SLC16A6: variants seen among roughly 807,000 people sequenced by gnomAD.
SLC16A6 encodes monocarboxylate transporter 7.
SLC16A6 carries 15 observed loss-of-function variants against 33.8 expected under a neutral mutation model. That is an observed-to-expected ratio of 0.44 (90% CI 0.30 to 0.68). The LOEUF (loss-of-function observed/expected upper bound fraction) is 0.68, where lower values mean the gene tolerates loss of function less well. SLC16A6 is among the 30% of genes least tolerant of loss of function. The pLI is 0.10. For missense variants in SLC16A6, 451 were observed against 661.5 expected, an observed-to-expected ratio of 0.68 and a Z score of 3.49; for synonymous variants, 219 against 248.4, an observed-to-expected ratio of 0.88 and a Z score of 1.11.
intron 1 of SLC16A6, among the ~76,000 whole-genome samples, chr17:68,283,745 G>A (rs1433406154): frequency 6.6e-6 from 1 of 151,896 alleles, no homozygotes; most frequent in African/African-American, 2.4e-5. Context: ...GGGTGTGGTG[G>A]CGCACGCCTG....
At chr17:68,289,955 C>T (rs1555755297) in intron 1 of SLC16A6, among the ~76,000 whole-genome samples, 1 of 152,106 alleles carries the variant, frequency 6.6e-6, no homozygotes, top group Admixed American at 6.5e-5. Context: ...ATCATCTGGC[C>T]GGATGTATTG....
chr17:68,274,294 C>T lies in SLC16A6; in HGVS notation c.233-224G>A, dbSNP rs3785615. Reference sequence around the variant, plus strand: ...TAGCCCGGGCAACATGGTGAAACCCCGTCTCTACAAAAAATACAAAAATTA... The same window carrying T: ...TAGCCCGGGCAACATGGTGAAACCCTGTCTCTACAAAAAATACAAAAATTA... On this transcript the variant is annotated intron_variant, in intron 2 of 5. Coordinates refer to ENST00000580666, the MANE Select transcript of SLC16A6 (RefSeq NM_004694.5). The T allele has an allele frequency of 2.4e-3, 948 of 390,642 alleles. 23 individuals carry two copies. The East Asian group carries it at 0.027, about 11-fold the overall frequency. The allele number at this position is 390,642 out of a possible 1,614,324, so 24.2% of individuals were successfully genotyped here. A position where few individuals can be genotyped will look rare whatever the true frequency, so the allele number is the denominator to read the frequency against.
chr17:68,283,734 C>T (rs1299918531), intron 1 of SLC16A6, among the ~76,000 whole-genome samples: 8 of 151,366 alleles, frequency 5.3e-5, no homozygotes, highest in African/African-American at 1.2e-4. Context: ...CAAAATTAGC[C>T]GGGTGTGGTG....
At position 68,271,758 on chromosome 17, in the gene SLC16A6, G is replaced by T; in HGVS notation, c.506-104C>A. 1 of 843,934 alleles carries T rather than the reference G, an allele frequency of 1.2e-6. No individual in the cohort carries two copies. Among genetic ancestry groups the T allele is most frequent in the Non-Finnish European group, 1.8e-6 (1 of 543,630 alleles). 52.3% of individuals were successfully genotyped at this position (843,934 alleles called of 1,614,324 possible). A position where few individuals can be genotyped will look rare whatever the true frequency, so the allele number is the denominator to read the frequency against. On this transcript the variant is annotated intron_variant, in intron 4 of 5. Coordinates refer to ENST00000580666, the MANE Select transcript of SLC16A6 (RefSeq NM_004694.5). The surrounding 1 kb of genome is among the most constrained non-coding windows in gnomAD (Gnocchi z 5.3). Reference sequence around the variant, plus strand: ...AATATGGATCCAGATTTTGTTATAAGTTCTGTGGAAATTTATTATACTCAG... The same window carrying T: ...AATATGGATCCAGATTTTGTTATAATTTCTGTGGAAATTTATTATACTCAG...
At chr17:68,286,149 T>A (rs1376633835) in intron 1 of SLC16A6, among the ~76,000 whole-genome samples, 1 of 152,194 alleles carries the variant, frequency 6.6e-6, no homozygotes, top group Non-Finnish European at 1.5e-5. Flanking sequence ...GCAGTTTTTG[T>A]ATGAGCTGAG....
intron 5 of SLC16A6, among the ~76,000 whole-genome samples, chr17:68,269,691 T>TTTTTTTTTA (rs57001011): frequency 4.0e-5 from 6 of 149,024 alleles, no homozygotes; most frequent in Middle Eastern, 3.4e-3. Context: ...TTTTTTTTTT[T>TTTTTTTTTA]AGACAGAGTT....
intron 2 of SLC16A6, chr17:68,274,298 T>G (rs1555750223): frequency 5.2e-6 from 2 of 383,576 alleles, no homozygotes; most frequent in Non-Finnish European, 9.6e-6. Flanking sequence ...AAACCCCGTC[T>G]CTACAAAAAA....
intron 1 of SLC16A6, among the ~76,000 whole-genome samples, chr17:68,282,302 T>C (rs533041234): frequency 3.8e-4 from 57 of 149,256 alleles, no homozygotes; most frequent in African/African-American, 1.4e-3. Context: ...AATTGAACAA[T>C]GAGAACACTT....
rs1555749967 is a variant in SLC16A6 at position 68,273,930 on chromosome 17, AGATGATGCC to A, written c.364_372del (p.Gly122_Ile124del). ...TGAGCCAAAGAGGAACACTTACCAGAGATGATGCCGATGGCGACGTACATATGAGAAACC... is the reference window on the plus strand; with the variant it reads ...TGAGCCAAAGAGGAACACTTACCAGAGATGGCGACGTACATATGAGAAACC... On this transcript the variant is annotated inframe_deletion, in exon 3 of 6. Transcript: ENST00000580666. The A allele has an allele frequency of 8.1e-6, 13 of 1,614,102 alleles. No homozygotes were observed. The highest frequency in any genetic ancestry group is 9.3e-6 in the Non-Finnish European group (11 of 1,179,956).
chr17:68,272,501 T>C (rs2075374021), intron 4 of SLC16A6, 138 bp downstream of exon 4: 2 of 1,001,560 alleles, frequency 2.0e-6, no homozygotes, highest in Non-Finnish European at 1.5e-6. Context: ...AAAAATGAGC[T>C]GGAGAAGAGA....
At position 68,279,905 on chromosome 17, in the gene SLC16A6, G is replaced by A. The variant is rs188734006; in HGVS notation, c.-7-1578C>T. Reference sequence around the variant, plus strand: ...CAAGTTTAAGAATTCTTTATGGCTGGGCGCGGTGGCTCACACCTGTAATCC... The same window carrying A: ...CAAGTTTAAGAATTCTTTATGGCTGAGCGCGGTGGCTCACACCTGTAATCC... On this transcript the variant is annotated intron_variant, in intron 1 of 5. Coordinates refer to ENST00000580666, the MANE Select transcript of SLC16A6 (RefSeq NM_004694.5). 3.9e-5 allele frequency among the ~76,000 whole-genome samples: 6 copies of A among 152,182 alleles called. No individual in the cohort carries two copies. In the East Asian group the frequency reaches 1.2e-3, roughly 29 times the overall value.
intron 1 of SLC16A6, among the ~76,000 whole-genome samples, chr17:68,284,794 TTAAAA>T (rs1225749877): frequency 6.6e-6 from 1 of 152,208 alleles, no homozygotes; most frequent in Non-Finnish European, 1.5e-5. Flanking sequence ...ATTTGGTTGA[TTAAAA>T]TAAGGCATAA....
chr17:68,268,327 ACATTTTTAAATGC>A lies in SLC16A6; in HGVS notation c.*756_*768del, dbSNP rs1555747060. ...TGTATAACTAAAAGCAACAGGAAAC[ACATTTTTAAATGC>A]CATTTTGTATATTCTGTACTGAAAC... On this transcript the variant is annotated 3_prime_UTR_variant, in exon 6 of 6. Transcript: ENST00000580666. 6.6e-6 allele frequency: 1 copy of A among 152,568 alleles called. No homozygotes were observed. The highest frequency in any genetic ancestry group is 1.9e-4 in the East Asian group (1 of 5,204). 9.5% of individuals were successfully genotyped at this position (152,568 alleles called of 1,614,324 possible).
In SLC16A6 at chr17:68,271,318, G is replaced by A. The variant is rs2144952351; in HGVS notation, c.842C>T (p.Ala281Val). Residue 281 changes from alanine to valine, a missense_variant, in exon 5 of 6, where the codon GCC (alanine) becomes GTC (valine). Ala to Val is a moderately conservative substitution (Grantham distance 64, BLOSUM62 0). This residue lies in a region of SLC16A6 where 405 missense variants were observed against 510.7 expected (regional missense o/e 0.79). Coordinates refer to ENST00000580666, the MANE Select transcript of SLC16A6 (RefSeq NM_004694.5). The surrounding 1 kb of genome is among the most constrained non-coding windows in gnomAD (Gnocchi z 5.3). Reference sequence around the variant, plus strand: ...CAAAATGGAGAAGTCTAATAGCGGGGCTTTCTTTTCGCTTGGCCTGGGGCT... The same window carrying A: ...CAAAATGGAGAAGTCTAATAGCGGGACTTTCTTTTCGCTTGGCCTGGGGCT... ...KTSPRPSEKK[A>V]PLLDFSILKE... is the part of the protein sequence containing the mutation. 1.2e-6 allele frequency: 2 copies of A among 1,614,176 alleles called. No homozygotes were observed. The highest frequency in any genetic ancestry group is 1.7e-6 in the Non-Finnish European group (2 of 1,180,030).
Position 68,271,677 on chromosome 17 carries a change from A to C in SLC16A6, c.506-23T>G. 1 of 1,592,168 alleles carries C rather than the reference A, an allele frequency of 6.3e-7. No individual in the cohort carries two copies. The highest frequency in any genetic ancestry group is 8.6e-7 in the Non-Finnish European group (1 of 1,163,682). The stretch of plus-strand genomic sequence containing the variant: ...TTGCTTGAATAGGCAGGAGTGAAGA[A>C]GAAATAATATAAGGTCAATAATGGA... On this transcript the variant is annotated intron_variant, in intron 4 of 5. Coordinates refer to ENST00000580666, the MANE Select transcript of SLC16A6 (RefSeq NM_004694.5). This position sits in a 1 kb window ranked among gnomAD's most constrained non-coding sequence, Gnocchi z 5.3.
chr17:68,272,940 G>T (rs530730269), intron 3 of SLC16A6, among the ~76,000 whole-genome samples, 173 bp from the exon 4 acceptor site: 2 of 151,890 alleles, frequency 1.3e-5, no homozygotes, highest in African/African-American at 2.4e-5. Context: ...TTTCATTAAC[G>T]GTCTGGATAA....
chr17:68,290,679 T>C (rs1490597438), intron 1 of SLC16A6, among the ~76,000 whole-genome samples: 2 of 152,218 alleles, frequency 1.3e-5, no homozygotes, highest in Admixed American at 1.3e-4. Context: ...AAGGTACCTC[T>C]GACATTTCGC....
intron 5 of SLC16A6, among the ~76,000 whole-genome samples, chr17:68,270,086 T>C (rs1315913345): frequency 6.6e-6 from 1 of 152,216 alleles, no homozygotes; most frequent in Non-Finnish European, 1.5e-5. Context: ...GGAAATATTC[T>C]GTACAAATCA....
chr17:68,285,369 C>G (rs1433424308), intron 1 of SLC16A6, among the ~76,000 whole-genome samples: 2 of 152,170 alleles, frequency 1.3e-5, no homozygotes, highest in Non-Finnish European at 2.9e-5. Context: ...CTCACTGCAG[C>G]CTCAAAACTC....
Sources: gnomAD v4.1 joint callset for allele counts (sites outside exome capture counted in the v4.1 genomes callset) on GRCh38, gnomAD v4.1.1 for gene constraint, gnomAD v4.1.1 regional missense constraint, Gnocchi (gnomAD v3.1) non-coding constraint, MANE v1.5 for transcripts, NCBI Gene and HGNC (gene_info 2026-07-23, HGNC 2026-07-21) for gene names.